Variants in KCNN2 observed in about 807,000 individuals in gnomAD.
KCNN2 encodes the protein potassium calcium-activated channel subfamily N member 2.
Under a neutral mutation model 55.5 loss-of-function variants are expected in KCNN2, and 24 were observed. The ratio of observed to expected loss-of-function variants is 0.43; its 90% CI spans 0.31 to 0.61. KCNN2 has a LOEUF of 0.61. KCNN2 is among the 20% of genes least tolerant of loss of function. The probability of loss-of-function intolerance (pLI) is 0.08; values close to 1 mark genes in which losing one functional copy is unlikely to be tolerated. For missense variants in KCNN2, 754 were observed against 853.6 expected, an observed-to-expected ratio of 0.88 and a Z score of 1.45; for synonymous variants, 431 against 336.1, an observed-to-expected ratio of 1.28 and a Z score of -3.09.
intron 1 of KCNN2, among the ~76,000 whole-genome samples, chr5:114,074,552 C>G (rs2112530760): frequency 6.6e-6 from 1 of 152,230 alleles, no homozygotes; most frequent in African/African-American, 2.4e-5. Flanking sequence ...TCAGGACCAG[C>G]TTTTGTGGAT....
At chr5:114,284,192 C>T (rs1421560562) in intron 2 of KCNN2, among the ~76,000 whole-genome samples, 2 of 152,158 alleles carry the variant, frequency 1.3e-5, no homozygotes, top group African/African-American at 2.4e-5. Flanking sequence ...AAGAAATTCC[C>T]TAATATCTTA....
At chr5:114,463,580 A>AAGAT (rs1486846267) in intron 4 of KCNN2, among the ~76,000 whole-genome samples, 67 of 152,334 alleles carry the variant, frequency 4.4e-4, no homozygotes, top group African/African-American at 1.6e-3. Context: ...TGAAGGGTAG[A>AAGAT]AGATATATTA....
At chr5:114,064,359 C>T (rs569519682) in intron 1 of KCNN2, among the ~76,000 whole-genome samples, 20 of 152,264 alleles carry the variant, frequency 1.3e-4, no homozygotes, top group African/African-American at 4.1e-4. Flanking sequence ...TGAGCCCAGG[C>T]CTTAAGAGGA....
intron 2 of KCNN2, among the ~76,000 whole-genome samples, chr5:114,340,374 T>C (rs184908142): frequency 1.3e-5 from 2 of 152,308 alleles, no homozygotes; most frequent in Admixed American, 1.3e-4. Context: ...GCCAAATGGC[T>C]GTGATCTAAA....
intron 3 of KCNN2, among the ~76,000 whole-genome samples, chr5:114,441,090 TA>T (rs1200973787): frequency 6.6e-6 from 1 of 151,966 alleles, no homozygotes; most frequent in African/African-American, 2.4e-5. Context: ...CTAGTAGGAA[TA>T]AAAAAAGATC....
chr5:114,181,005 T>C (rs926850272), intron 1 of KCNN2, among the ~76,000 whole-genome samples: 2 of 152,232 alleles, frequency 1.3e-5, no homozygotes, highest in African/African-American at 4.8e-5. Context: ...TTTCATCATG[T>C]ATATTTATGT....
intron 2 of KCNN2, among the ~76,000 whole-genome samples, chr5:114,386,447 C>A (rs951386771): frequency 6.6e-6 from 1 of 152,042 alleles, no homozygotes; most frequent in African/African-American, 2.4e-5. Flanking sequence ...ATGGATATAA[C>A]CAGTCTTTCT....
At chr5:114,344,842 T>C (rs766709764) in intron 2 of KCNN2, among the ~76,000 whole-genome samples, 24 of 152,206 alleles carry the variant, frequency 1.6e-4, no homozygotes, top group Non-Finnish European at 2.8e-4. Context: ...TTACAGCCCA[T>C]TTAATTTTGA....
chr5:114,470,282 A>T (rs916313881), intron 4 of KCNN2, among the ~76,000 whole-genome samples: 1 of 152,162 alleles, frequency 6.6e-6, no homozygotes, highest in Non-Finnish European at 1.5e-5. Flanking sequence ...TTTTATGCCA[A>T]CTACCCTCTC....
At chr5:114,193,792 TAA>T (rs1160661268) in intron 1 of KCNN2, among the ~76,000 whole-genome samples, 1 of 152,138 alleles carries the variant, frequency 6.6e-6, no homozygotes, top group African/African-American at 2.4e-5. Flanking sequence ...AACTTAGAAA[TAA>T]GAGAAGAGAT....
intron 2 of KCNN2, among the ~76,000 whole-genome samples, chr5:114,310,264 C>G (rs1043693148): frequency 1.3e-5 from 2 of 152,030 alleles, no homozygotes; most frequent in African/African-American, 4.8e-5. Flanking sequence ...ATGGAGCCAC[C>G]ATGATGCACA....
At chr5:114,345,549 C>T (rs992670008) in intron 2 of KCNN2, among the ~76,000 whole-genome samples, 2 of 152,136 alleles carry the variant, frequency 1.3e-5, no homozygotes, top group Non-Finnish European at 2.9e-5. Context: ...AAGCTAGCTG[C>T]ATTACAGATA....
chr5:114,331,472 CAAAG>C (rs1199343800), intron 2 of KCNN2, among the ~76,000 whole-genome samples: 1 of 152,112 alleles, frequency 6.6e-6, no homozygotes, highest in Non-Finnish European at 1.5e-5. Flanking sequence ...CATCGGGAAA[CAAAG>C]AAGCCTCATT....
At chr5:114,346,532 A>C (rs2150038548) in intron 2 of KCNN2, among the ~76,000 whole-genome samples, 1 of 152,296 alleles carries the variant, frequency 6.6e-6, no homozygotes, top group East Asian at 1.9e-4. Context: ...AACAAGGAAA[A>C]TAATACAGCA....
chr5:114,247,469 G>T (rs1754770299), intron 2 of KCNN2, among the ~76,000 whole-genome samples: 1 of 152,042 alleles, frequency 6.6e-6, no homozygotes, highest in Non-Finnish European at 1.5e-5. Context: ...CCAAAGGTCA[G>T]CAAAGTGCTG....
Position 114,218,609 on chromosome 5 carries a change from C to T in KCNN2, c.-270-2871C>T, listed in dbSNP as rs552524072. On this transcript the variant is annotated intron_variant, in intron 1 of 10. Coordinates refer to the KCNN2 transcript ENST00000512097. Reference sequence around the variant, plus strand: ...ACAAGGGACAGATGAATAGTTAGAGCACAGGGGATTTTCAGGGCAGTGAAT... The same window carrying T: ...ACAAGGGACAGATGAATAGTTAGAGTACAGGGGATTTTCAGGGCAGTGAAT... 7.9e-5 allele frequency among the ~76,000 whole-genome samples: 12 copies of T among 152,264 alleles called. No individual in the cohort carries two copies. In the South Asian group the frequency reaches 8.3e-4, roughly 11 times the overall value.
At chr5:114,296,042 G>A (rs1756005952) in intron 2 of KCNN2, among the ~76,000 whole-genome samples, 1 of 152,136 alleles carries the variant, frequency 6.6e-6, no homozygotes. Context: ...AAATAAAGAT[G>A]TGATTGTTTT....
chr5:114,463,357 T>G (rs1761296597), intron 4 of KCNN2, among the ~76,000 whole-genome samples, 167 bp downstream of exon 4: 2 of 152,238 alleles, frequency 1.3e-5, no homozygotes, highest in African/African-American at 4.8e-5. Flanking sequence ...AGTTTTCCTC[T>G]TAATTCTTCT....
At chr5:114,495,777 C>CT (rs1748084311) in intron 7 of KCNN2, 118 bp from the exon 8 acceptor site, 1 of 878,070 alleles carries the variant, frequency 1.1e-6, no homozygotes, top group Admixed American at 2.2e-5. Context: ...GTTCAGTTAG[C>CT]TGACACCCCT....
Sources: allele counts gnomAD v4.1 joint callset (sites outside exome capture counted in the v4.1 genomes callset), GRCh38; gene constraint gnomAD v4.1.1; transcripts MANE v1.5; gene names NCBI Gene and HGNC (gene_info 2026-07-23, HGNC 2026-07-21).